PTP4A3: variants seen among roughly 807,000 people sequenced by gnomAD.
PTP4A3 encodes protein tyrosine phosphatase 4A3, also known as protein tyrosine phosphatase type IVA 3.
Under a neutral mutation model 15.2 loss-of-function variants are expected in PTP4A3, and 9 were observed. The ratio of observed to expected loss-of-function variants is 0.59; its 90% CI spans 0.36 to 1.03. The LOEUF is 1.03. Ranked by LOEUF, PTP4A3 falls within the 50% of genes least tolerant of loss-of-function variation. The pLI is 0.02. For missense variants in PTP4A3, 234 were observed against 252.1 expected, an observed-to-expected ratio of 0.93 and a Z score of 0.49; for synonymous variants, 95 against 102.0, an observed-to-expected ratio of 0.93 and a Z score of 0.41.
chr8:141,430,884 C>T, intron 5 of PTP4A3, 43 bp from the exon 6 acceptor site: 1 of 1,597,618 alleles, frequency 6.3e-7, no homozygotes, highest in Non-Finnish European at 8.6e-7. Flanking sequence ...GATGGCCGAG[C>T]CAGGTCCTTG....
In PTP4A3 at chr8:141,397,535, C is replaced by T. The variant is rs375413811; in HGVS notation, c.-854+5451C>T. 9.8e-5 allele frequency among the ~76,000 whole-genome samples: 15 copies of T among 152,346 alleles called. No individual in the cohort carries two copies. In the East Asian group the frequency reaches 2.1e-3, roughly 22 times the overall value. On this transcript the variant is annotated intron_variant, in intron 1 of 5. Transcript: ENST00000521578. ...TGCCCCACGCTGGGCACATGCTCCC[C>T]GCTGGCCTCAGTTGGGAGTCCAGTG...
intron 1 of PTP4A3, among the ~76,000 whole-genome samples, chr8:141,413,509 G>A (rs62522499): frequency 0.033 from 4,964 of 152,310 alleles, 115 homozygotes; most frequent in Non-Finnish European, 0.048. Context: ...CCAACACCCC[G>A]TACTCCAGAG....
At chr8:141,427,633 G>A (rs1190684294) in intron 4 of PTP4A3, 117 bp from the exon 5 acceptor site, 1 of 860,074 alleles carries the variant, frequency 1.2e-6, no homozygotes, top group Non-Finnish European at 1.8e-6. Flanking sequence ...GGGAGCTTCA[G>A]GCAGGGGGGA....
At chr8:141,395,684 C>T (rs1832431771) in intron 1 of PTP4A3, among the ~76,000 whole-genome samples, 1 of 133,882 alleles carries the variant, frequency 7.5e-6, no homozygotes, top group African/African-American at 4.0e-5. Flanking sequence ...GGTGCGTGGG[C>T]CACCCCTCCC....
chr8:141,418,905 G>A (rs1374553852), intron 1 of PTP4A3, among the ~76,000 whole-genome samples: 2 of 152,270 alleles, frequency 1.3e-5, no homozygotes, highest in East Asian at 3.9e-4. Context: ...TTGGGGGACA[G>A]CCACCAGGCA....
intron 1 of PTP4A3, among the ~76,000 whole-genome samples, chr8:141,411,396 C>A (rs886648118): frequency 1.3e-5 from 2 of 152,232 alleles, no homozygotes; most frequent in Non-Finnish European, 2.9e-5. Flanking sequence ...CCATGGGGAA[C>A]CTGCGGGCCC....
At chr8:141,399,869 G>A (rs2129818727) in intron 1 of PTP4A3, among the ~76,000 whole-genome samples, 1 of 152,362 alleles carries the variant, frequency 6.6e-6, no homozygotes, top group South Asian at 2.1e-4. Context: ...CTCACATGGG[G>A]GAGAGGCGAC....
intron 1 of PTP4A3, among the ~76,000 whole-genome samples, chr8:141,404,760 T>C (rs1273114999): frequency 6.6e-6 from 1 of 152,004 alleles, no homozygotes; most frequent in Non-Finnish European, 1.5e-5. Flanking sequence ...AGCCATGGGG[T>C]GCGTGGGGAA....
chr8:141,430,577 T>G (rs539372850), intron 5 of PTP4A3, among the ~76,000 whole-genome samples: 3 of 152,296 alleles, frequency 2.0e-5, no homozygotes, highest in African/African-American at 7.2e-5. Flanking sequence ...CAGGCCCCCC[T>G]TCCTGGATGG....
chr8:141,426,043 G>T (rs752412713), intron 3 of PTP4A3, among the ~76,000 whole-genome samples: 2 of 152,344 alleles, frequency 1.3e-5, no homozygotes, highest in Non-Finnish European at 2.9e-5. Context: ...TTCCACAGCA[G>T]CGGGAGGGAT....
At chr8:141,417,788 GGCAGGGCGCGGCTATATTTAGGCGGCA>G (rs1273456930) in intron 1 of PTP4A3, among the ~76,000 whole-genome samples, 1 of 152,008 alleles carries the variant, frequency 6.6e-6, no homozygotes, top group Non-Finnish European at 1.5e-5. Context: ...TTGTTTCCCG[GGCAGGGCGCGGCTATATTTAGGCGGCA>G]GGTGTGGGAG....
chr8:141,409,749 C>G (rs1275164220), intron 1 of PTP4A3, among the ~76,000 whole-genome samples: 3 of 152,238 alleles, frequency 2.0e-5, no homozygotes, highest in Non-Finnish European at 2.9e-5. Flanking sequence ...GGCAGGTGCT[C>G]AAAGCGGGCA....
In PTP4A3 at chr8:141,427,687, GCC is replaced by G. The variant is rs1833643018; in HGVS notation, c.330-61_330-60del. ...CCCGTGCCCTGCATCTTCAGCAGGT[GCC>G]CTGCCAAGGGGACAGGGGTGCGCAG... is the stretch of plus-strand genomic sequence containing the variant. On this transcript the variant is annotated intron_variant, in intron 4 of 5. Transcript: ENST00000521578. 21 of 1,409,070 alleles carry G rather than the reference GCC, an allele frequency of 1.5e-5. No individual in the cohort carries two copies. The South Asian group carries it at 2.5e-4, about 17-fold the overall frequency. The allele number at this position is 1,409,070 out of a possible 1,614,324, so 87.3% of individuals were successfully genotyped here.
chr8:141,425,078 G>T lies in PTP4A3; in HGVS notation c.136G>T (p.Val46Leu). 2 of 1,613,382 alleles carry T rather than the reference G, an allele frequency of 1.2e-6. No homozygotes were observed. Among genetic ancestry groups the T allele is most frequent in the Non-Finnish European group, 1.7e-6 (2 of 1,179,922 alleles). ...GAAGAAGTACGGGGCTACCACTGTG[G>T]TGCGTGTGTGTGAAGTGACCTATGA... Reference protein sequence around the residue: ...DLKKYGATTVVRVCEVTYDKT... With the variant: ...DLKKYGATTVLRVCEVTYDKT... The change falls in exon 3 of 6, where the codon GTG (valine) becomes TTG (leucine). Residue 46 changes from valine to leucine, a missense_variant. Coordinates refer to ENST00000521578, the MANE Select transcript of PTP4A3 (RefSeq NM_032611.3). This position sits in a 1 kb window ranked among gnomAD's most constrained non-coding sequence, Gnocchi z 4.2.
intron 2 of PTP4A3, among the ~76,000 whole-genome samples, chr8:141,424,127 C>T (rs1471302978): frequency 1.3e-5 from 2 of 152,102 alleles, no homozygotes; most frequent in African/African-American, 2.4e-5. Context: ...CAGAGCCCAG[C>T]ACCCTGCCTG....
chr8:141,416,638 C>A lies in PTP4A3; in HGVS notation c.-853-4750C>A, dbSNP rs188069739. 1.9e-4 allele frequency among the ~76,000 whole-genome samples: 29 copies of A among 152,200 alleles called. 1 individual carries two copies. The highest frequency in any genetic ancestry group is 1.6e-3 in the Admixed American group (25 of 15,302). On this transcript the variant is annotated intron_variant, in intron 1 of 5. Coordinates refer to ENST00000521578, the MANE Select transcript of PTP4A3 (RefSeq NM_032611.3). ...GTGCCCTTGCCAGGGAGCTCACACC[C>A]TTGGGGGTCCATGAGCTGGCAGGCA... is the stretch of plus-strand genomic sequence containing the variant.
At chr8:141,413,508 C>G (rs552212580) in intron 1 of PTP4A3, among the ~76,000 whole-genome samples, 11 of 152,332 alleles carry the variant, frequency 7.2e-5, no homozygotes, top group African/African-American at 2.4e-4. Flanking sequence ...CCCAACACCC[C>G]GTACTCCAGA....
chr8:141,409,590 G>A (rs1255498664), intron 1 of PTP4A3, among the ~76,000 whole-genome samples: 1 of 152,212 alleles, frequency 6.6e-6, no homozygotes, highest in Non-Finnish European at 1.5e-5. Context: ...TGTGTTCTGA[G>A]CTGAGGTCCT....
intron 2 of PTP4A3, among the ~76,000 whole-genome samples, chr8:141,422,667 G>A (rs1001263926): frequency 1.3e-4 from 20 of 152,194 alleles, no homozygotes; most frequent in South Asian, 4.1e-4. Context: ...CAGGCTGTGC[G>A]TGCTCAGCCG....
Sources: gnomAD v4.1 joint callset for allele counts (sites outside exome capture counted in the v4.1 genomes callset) on GRCh38, gnomAD v4.1.1 for gene constraint, Gnocchi (gnomAD v3.1) non-coding constraint, MANE v1.5 for transcripts, NCBI Gene and HGNC (gene_info 2026-07-23, HGNC 2026-07-21) for gene names.